Variants in CLVS1 observed in about 807,000 individuals in gnomAD.
CLVS1 encodes clavesin 1, also known as clavesin-1.
Under a neutral mutation model 33.1 loss-of-function variants are expected in CLVS1, and 10 were observed. The ratio of observed to expected loss-of-function variants is 0.30; its 90% CI spans 0.19 to 0.51. CLVS1 has a LOEUF of 0.51. Among genes scored for constraint, CLVS1 ranks in the 20% least tolerant of loss-of-function variants. CLVS1 has a pLI of 0.97. For synonymous variants in CLVS1, 163 were observed against 166.1 expected (o/e 0.98, Z 0.14); for missense variants, 343 against 433.4 (o/e 0.79, Z 1.85).
intron 2 of CLVS1, among the ~76,000 whole-genome samples, chr8:61,245,095 G>A (rs1179733092): frequency 6.6e-6 from 1 of 151,950 alleles, no homozygotes; most frequent in Non-Finnish European, 1.5e-5. Flanking sequence ...GACTACTTTG[G>A]CATATATTAG....
chr8:61,498,608 A>G (rs906044832), intron 5 of CLVS1, among the ~76,000 whole-genome samples: 2 of 152,234 alleles, frequency 1.3e-5, no homozygotes, highest in Admixed American at 6.5e-5. Flanking sequence ...TTACTCCAGT[A>G]TAAAAGGACA....
chr8:61,340,596 G>A (rs1357066710), intron 2 of CLVS1, among the ~76,000 whole-genome samples: 15 of 152,058 alleles, frequency 9.9e-5, no homozygotes, highest in East Asian at 3.9e-4. Context: ...ATTGATGGAC[G>A]CAAGTTGATT....
intron 2 of CLVS1, among the ~76,000 whole-genome samples, chr8:61,195,897 T>A (rs1413943216): frequency 1.3e-5 from 2 of 152,158 alleles, no homozygotes; most frequent in Non-Finnish European, 2.9e-5. Flanking sequence ...TATTTACAAG[T>A]ATGTAATTAA....
At chr8:61,338,967 T>C (rs1352741403) in intron 2 of CLVS1, among the ~76,000 whole-genome samples, 1 of 53,156 alleles carries the variant, frequency 1.9e-5, no homozygotes. Context: ...GGGAACACTG[T>C]GTGTGTGTGT....
At chr8:61,459,271 G>C (rs1817274673) in intron 5 of CLVS1, among the ~76,000 whole-genome samples, 5 of 152,118 alleles carry the variant, frequency 3.3e-5, no homozygotes. Context: ...GTAGTCAATG[G>C]AGTGCCATAA....
chr8:61,288,366 C>T, intron 1 of CLVS1: 1 of 425,308 alleles, frequency 2.4e-6, no homozygotes, highest in Admixed American at 2.5e-5. Flanking sequence ...CACATCAGCA[C>T]CCCCATCTCC....
upstream of CLVS1, among the ~76,000 whole-genome samples, chr8:61,053,963 G>A (rs1804429755): frequency 6.6e-6 from 1 of 152,130 alleles, no homozygotes; most frequent in Admixed American, 6.5e-5. Flanking sequence ...TGCTCTCTTG[G>A]ACTTCCATAT....
intron 2 of CLVS1, among the ~76,000 whole-genome samples, chr8:61,250,433 A>G (rs1585721866): frequency 6.6e-6 from 1 of 152,278 alleles, no homozygotes; most frequent in East Asian, 1.9e-4. Context: ...AGTTTAAAGT[A>G]GTTTTTTCCA....
the CLVS1 span, among the ~76,000 whole-genome samples, chr8:60,998,188 G>C: frequency 6.6e-6 from 1 of 152,130 alleles, no homozygotes; most frequent in South Asian, 2.1e-4. Flanking sequence ...ACAGTGCTGG[G>C]GCTGGTAGTT....
the CLVS1 span, among the ~76,000 whole-genome samples, chr8:60,971,950 G>C: frequency 6.6e-6 from 1 of 151,678 alleles, no homozygotes; most frequent in Non-Finnish European, 1.5e-5. Context: ...ATTATGGCTT[G>C]CAAGCAATTG....
At chr8:61,051,684 A>T in the CLVS1 span, among the ~76,000 whole-genome samples, 15 of 152,354 alleles carry the variant, frequency 9.8e-5, no homozygotes, top group African/African-American at 3.6e-4. Flanking sequence ...GGCTGAGCTG[A>T]CTGGGTGTCT....
chr8:61,015,826 G>A, the CLVS1 span, among the ~76,000 whole-genome samples: 1 of 152,082 alleles, frequency 6.6e-6, no homozygotes, highest in African/African-American at 2.4e-5. Flanking sequence ...GCTTCCAACC[G>A]GCCTTCCACC....
chr8:61,096,667 TCA>T (rs1805356710), intron 1 of CLVS1, among the ~76,000 whole-genome samples: 1 of 152,036 alleles, frequency 6.6e-6, no homozygotes, highest in Non-Finnish European at 1.5e-5. Flanking sequence ...AGAACATGAG[TCA>T]ATAATGCTTC....
At chr8:61,074,324 C>T (rs922955234) in intron 1 of CLVS1, among the ~76,000 whole-genome samples, 4 of 144,706 alleles carry the variant, frequency 2.8e-5, no homozygotes, top group Non-Finnish European at 4.5e-5. Context: ...GTCAACAGAG[C>T]GAGACCCTGT....
intron 2 of CLVS1, among the ~76,000 whole-genome samples, chr8:61,239,856 A>G (rs1808655376): frequency 6.6e-6 from 1 of 152,246 alleles, no homozygotes; most frequent in South Asian, 2.1e-4. Context: ...GTCCTGTGAG[A>G]TTGAGACCCT....
At chr8:61,272,061 G>A (rs1261056233) in intron 2 of CLVS1, among the ~76,000 whole-genome samples, 5 of 150,766 alleles carry the variant, frequency 3.3e-5, no homozygotes, top group African/African-American at 9.8e-5. Flanking sequence ...TATTTTGCTC[G>A]TTAGTTGATG....
rs547987639 is a variant in CLVS1, at chr8:61,489,964, A to G, written c.978-9491A>G. Among the ~76,000 whole-genome samples, 6 of 152,336 alleles carry G rather than the reference A, an allele frequency of 3.9e-5. No individual in the cohort carries two copies. In the South Asian group the frequency reaches 1.2e-3, roughly 32 times the overall value. On this transcript the variant is annotated intron_variant, in intron 5 of 5. Transcript: ENST00000325897. ...AGAAACTAAAACGTTTTTAACAAGG[A>G]CACAGGCAAATGGCTATTAAGTAGC... is the stretch of plus-strand genomic sequence containing the variant.
At chr8:61,066,735 C>T (rs887427521) in intron 1 of CLVS1, among the ~76,000 whole-genome samples, 3 of 152,158 alleles carry the variant, frequency 2.0e-5, no homozygotes, top group Non-Finnish European at 4.4e-5. Context: ...TGAAGAACAT[C>T]GCAATTCATG....
chr8:61,143,800 T>C (rs1376437369), intron 2 of CLVS1, among the ~76,000 whole-genome samples: 1 of 147,794 alleles, frequency 6.8e-6, no homozygotes, highest in Non-Finnish European at 1.5e-5. Context: ...ATACATAATA[T>C]TCTCATATTT....
Sources: gnomAD v4.1 joint callset for allele counts (sites outside exome capture counted in the v4.1 genomes callset) on GRCh38, gnomAD v4.1.1 for gene constraint, MANE v1.5 for transcripts, NCBI Gene and HGNC (gene_info 2026-07-23, HGNC 2026-07-21) for gene names.